The following CDH18 variants were observed in gnomAD, a reference collection of about 807,000 sequenced individuals.
The protein encoded by CDH18 is cadherin-18.
In CDH18, 31 loss-of-function variants were observed where a neutral mutation model predicts 67.9. The ratio of observed to expected loss-of-function variants is 0.46; its 90% confidence interval spans 0.34 to 0.62. The LOEUF (loss-of-function observed/expected upper bound fraction) is 0.62, where lower values mean the gene tolerates loss of function less well. Ranked by LOEUF, CDH18 falls within the 20% of genes least tolerant of loss-of-function variation. The pLI is 0.01. For synonymous variants in CDH18, 362 were observed against 347.2 expected, an observed-to-expected ratio of 1.04 and a Z score of -0.48; for missense variants, 890 against 975.5, an observed-to-expected ratio of 0.91 and a Z score of 1.17.
intron 2 of CDH18, among the ~76,000 whole-genome samples, chr5:20,210,060 T>C (rs1000071743): frequency 2.6e-5 from 4 of 151,588 alleles, no homozygotes; most frequent in Non-Finnish European, 5.9e-5. Flanking sequence ...ATTTGTATTA[T>C]TTTTTAACTT....
intron 2 of CDH18, among the ~76,000 whole-genome samples, chr5:20,086,787 C>T (rs888865833): frequency 2.0e-5 from 3 of 152,156 alleles, no homozygotes; most frequent in Admixed American, 1.3e-4. Flanking sequence ...AATACTAATG[C>T]TCATTGATAA....
chr5:20,305,704 A>G (rs1736378625), intron 1 of CDH18: 4 of 413,186 alleles, frequency 9.7e-6, no homozygotes, highest in Non-Finnish European at 1.8e-5. Flanking sequence ...CGAGGCGGCG[A>G]GACGCGCCGG....
chr5:19,685,648 G>A (rs1009051833), intron 5 of CDH18, among the ~76,000 whole-genome samples: 2 of 152,110 alleles, frequency 1.3e-5, no homozygotes, highest in Non-Finnish European at 2.9e-5. Flanking sequence ...GCATGCCCTG[G>A]TTGGATCCAG....
intron 2 of CDH18, among the ~76,000 whole-genome samples, chr5:19,863,103 A>G (rs1180890845): frequency 6.6e-6 from 1 of 152,154 alleles, no homozygotes; most frequent in Non-Finnish European, 1.5e-5. Flanking sequence ...GCTCCAGGGA[A>G]TAGGGGTTGT....
intron 1 of CDH18, among the ~76,000 whole-genome samples, chr5:20,498,298 CTGA>C (rs1182997354): frequency 2.0e-5 from 3 of 152,050 alleles, no homozygotes; most frequent in Admixed American, 6.6e-5. Context: ...AAATGTGTTT[CTGA>C]ATCTAAGCTC....
chr5:19,535,711 T>C (rs1170774086), intron 9 of CDH18, among the ~76,000 whole-genome samples: 1 of 152,170 alleles, frequency 6.6e-6, no homozygotes, highest in Non-Finnish European at 1.5e-5. Context: ...GTTTGTGGAC[T>C]CTTATGTCCA....
rs1035384432 is a variant in CDH18, at chr5:20,206,706, C to A, written c.-518+48738G>T. On this transcript the variant is annotated intron_variant, in intron 2 of 14. Transcript: ENST00000507958. ...CAAGAATGATTTAACCTACAAAAATCTATAAACATGATACATCACATTAAC... is the reference window on the plus strand; with the variant it reads ...CAAGAATGATTTAACCTACAAAAATATATAAACATGATACATCACATTAAC... 6.6e-5 allele frequency among the ~76,000 whole-genome samples: 10 copies of A among 151,950 alleles called. No individual in the cohort carries two copies. In the South Asian group the frequency reaches 1.0e-3, roughly 16 times the overall value.
intron 4 of CDH18, among the ~76,000 whole-genome samples, chr5:19,743,921 CAAAAAAAAAAAAAA>C (rs140476096): frequency 1.5e-5 from 1 of 65,902 alleles, no homozygotes; most frequent in Non-Finnish European, 2.7e-5. Flanking sequence ...ACTCTTGTCT[CAAAAAAAAAAAAAA>C]AAAAAAAAAA....
At chr5:19,816,838 A>C (rs1779339774) in intron 3 of CDH18, among the ~76,000 whole-genome samples, 1 of 151,850 alleles carries the variant, frequency 6.6e-6, no homozygotes, top group Non-Finnish European at 1.5e-5. Context: ...AGAAAGTCCT[A>C]GGTCAAACAA....
At chr5:19,759,263 G>A (rs1772025314) in intron 3 of CDH18, among the ~76,000 whole-genome samples, 1 of 152,170 alleles carries the variant, frequency 6.6e-6, no homozygotes, top group Non-Finnish European at 1.5e-5. Context: ...AGAGTTGAAT[G>A]GGGATGTGGT....
At chr5:20,517,085 A>T (rs1190051967) in intron 1 of CDH18, among the ~76,000 whole-genome samples, 1 of 151,910 alleles carries the variant, frequency 6.6e-6, no homozygotes, top group Non-Finnish European at 1.5e-5. Context: ...AATTCTAAAC[A>T]ATCTCAATTA....
chr5:20,001,875 T>C (rs1236750952), intron 2 of CDH18, among the ~76,000 whole-genome samples: 1 of 152,094 alleles, frequency 6.6e-6, no homozygotes, highest in Non-Finnish European at 1.5e-5. Flanking sequence ...TAGGTAGGGA[T>C]AGGTTATTCC....
At chr5:20,245,173 C>G (rs541851112) in intron 2 of CDH18, among the ~76,000 whole-genome samples, 2 of 152,098 alleles carry the variant, frequency 1.3e-5, no homozygotes, top group Non-Finnish European at 2.9e-5. Flanking sequence ...TAGACCCAAA[C>G]TTTATTTTAC....
intron 2 of CDH18, among the ~76,000 whole-genome samples, chr5:20,001,655 T>G (rs1214076731): frequency 1.3e-5 from 2 of 152,152 alleles, no homozygotes; most frequent in Non-Finnish European, 2.9e-5. Context: ...CTTATGTCAT[T>G]ATTCTTTTTC....
At chr5:19,532,381 A>G (rs989178924) in intron 9 of CDH18, among the ~76,000 whole-genome samples, 1 of 152,208 alleles carries the variant, frequency 6.6e-6, no homozygotes, top group African/African-American at 2.4e-5. Flanking sequence ...AGTACCTTAT[A>G]CATAATTTCT....
intron 2 of CDH18, among the ~76,000 whole-genome samples, chr5:19,868,277 CT>C (rs1785820585): frequency 6.6e-6 from 1 of 152,174 alleles, no homozygotes; most frequent in African/African-American, 2.4e-5. Context: ...CCACCACCCC[CT>C]ATCTCTGTGG....
chr5:19,563,794 A>G (rs543058820), intron 8 of CDH18, among the ~76,000 whole-genome samples: 2 of 152,284 alleles, frequency 1.3e-5, no homozygotes, highest in African/African-American at 4.8e-5. Flanking sequence ...TGGTATTAAC[A>G]CTATATTAAT....
chr5:20,128,853 A>G (rs1421178302), intron 2 of CDH18, among the ~76,000 whole-genome samples: 1 of 151,874 alleles, frequency 6.6e-6, no homozygotes, highest in African/African-American at 2.4e-5. Context: ...TTTCCCCTAG[A>G]CTCTCAGTGC....
At chr5:20,547,284 C>A (rs917623630) in intron 1 of CDH18, among the ~76,000 whole-genome samples, 2 of 151,976 alleles carry the variant, frequency 1.3e-5, no homozygotes, top group Non-Finnish European at 2.9e-5. Flanking sequence ...ATCAAACTGG[C>A]CAGGCATGGT....
Sources: gnomAD v4.1 joint callset for allele counts (sites outside exome capture counted in the v4.1 genomes callset) on GRCh38, gnomAD v4.1.1 for gene constraint, MANE v1.5 for transcripts, NCBI Gene and HGNC (gene_info 2026-07-23, HGNC 2026-07-21) for gene names.